The following PDGFRL variants were observed in gnomAD, a reference collection of about 807,000 sequenced individuals.
PDGFRL encodes platelet-derived growth factor receptor-like protein.
In PDGFRL, 46 loss-of-function variants were observed where a neutral mutation model predicts 37.2. The observed-to-expected ratio is 1.24, with a 90% CI of 0.98 to 1.58. The LOEUF is 1.58. Among genes scored for constraint, PDGFRL ranks in the 40% most tolerant of loss-of-function variants. The pLI is 0.00. For missense variants in PDGFRL, 692 were observed against 467.6 expected, an observed-to-expected ratio of 1.48 and a Z score of -4.43; for synonymous variants, 251 against 184.3, an observed-to-expected ratio of 1.36 and a Z score of -2.93.
intron 2 of PDGFRL, among the ~76,000 whole-genome samples, chr8:17,599,864 G>A (rs76550144): frequency 0.043 from 6,534 of 152,102 alleles, 231 homozygotes; most frequent in East Asian, 0.15. Context: ...CCCTCCTAAG[G>A]CCAAAGCACT....
At chr8:17,585,930 A>G (rs1053327377) in intron 1 of PDGFRL, among the ~76,000 whole-genome samples, 9 of 151,746 alleles carry the variant, frequency 5.9e-5, no homozygotes, top group Admixed American at 3.3e-4. Context: ...TATTTTGGAT[A>G]TAAGGGTTTT....
intron 1 of PDGFRL, among the ~76,000 whole-genome samples, chr8:17,583,522 T>A (rs2150808373): frequency 6.6e-6 from 1 of 152,310 alleles, no homozygotes; most frequent in East Asian, 1.9e-4. Flanking sequence ...TGGGAAAGGA[T>A]GCTTGTAATT....
intron 2 of PDGFRL, among the ~76,000 whole-genome samples, chr8:17,615,909 C>G (rs1353475588): frequency 6.6e-6 from 1 of 152,152 alleles, no homozygotes; most frequent in East Asian, 1.9e-4. Flanking sequence ...GACCCTATCT[C>G]TAAACGAATA....
At chr8:17,633,624 G>C (rs1563530061) in intron 4 of PDGFRL, among the ~76,000 whole-genome samples, 1 of 152,216 alleles carries the variant, frequency 6.6e-6, no homozygotes, top group Non-Finnish European at 1.5e-5. Flanking sequence ...TAGCACTCAT[G>C]CCCAAACATC....
chr8:17,576,611 G>A (rs888712781), upstream of PDGFRL: 2 of 490,442 alleles, frequency 4.1e-6, no homozygotes, highest in Admixed American at 6.4e-5. Flanking sequence ...ACCACCAGAG[G>A]CCCGGGTTGT....
At chr8:17,640,893 TG>T (rs1478559614) in intron 5 of PDGFRL, among the ~76,000 whole-genome samples, 1 of 149,540 alleles carries the variant, frequency 6.7e-6, no homozygotes, top group East Asian at 2.0e-4. Context: ...GACCATTAGT[TG>T]GGGGTGGGCT....
At chr8:17,595,138 G>C (rs1477200740) in intron 2 of PDGFRL, among the ~76,000 whole-genome samples, 1 of 152,092 alleles carries the variant, frequency 6.6e-6, no homozygotes, top group Non-Finnish European at 1.5e-5. Flanking sequence ...TCTGGATGGA[G>C]GGACAGCCCC....
chr8:17,601,437 A>G (rs114442438), intron 2 of PDGFRL, among the ~76,000 whole-genome samples: 34,080 of 151,174 alleles, frequency 0.23, 4,499 homozygotes, highest in African/African-American at 0.35. Context: ...CTGATTGTTA[A>G]CTTATACCCC....
Position 17,589,673 on chromosome 8 carries a change from G to C in PDGFRL, c.261G>C (p.Leu87=). Reference sequence around the variant, plus strand: ...AACCCGCCGCTACCCTGAGTCTGCTGGCGGGGCAAACTGTAGAGCTTCGAT... The same window carrying C: ...AACCCGCCGCTACCCTGAGTCTGCTCGCGGGGCAAACTGTAGAGCTTCGAT... ...FQKPAATLSL[L]AGQTVELRCK... is the part of the protein sequence containing the mutation. The change falls in exon 2 of 6, where the codon CTG becomes CTC. Residue 87 remains leucine, a synonymous_variant. Coordinates refer to ENST00000251630, the MANE Select transcript of PDGFRL (RefSeq NM_001372073.1). The C allele has an allele frequency of 6.2e-7, 1 of 1,613,544 alleles. No individual in the cohort carries two copies. The highest frequency in any genetic ancestry group is 8.5e-7 in the Non-Finnish European group (1 of 1,179,474).
chr8:17,635,449 A>T (rs934071435), intron 5 of PDGFRL, among the ~76,000 whole-genome samples: 1 of 152,206 alleles, frequency 6.6e-6, no homozygotes, highest in African/African-American at 2.4e-5. Flanking sequence ...GTTGCTGCAA[A>T]TGCCATTATT....
At chr8:17,577,085 A>AAAAAAAAAAAC (rs1279021178), upstream of PDGFRL, 3 of 857,168 alleles carry the variant, frequency 3.5e-6, no homozygotes, top group Non-Finnish European at 3.4e-6. Flanking sequence ...AGAGAACTAA[A>AAAAAAAAAAAC]AAAAAAAAAA....
At chr8:17,585,799 C>G (rs1176025130) in intron 1 of PDGFRL, among the ~76,000 whole-genome samples, 1 of 152,168 alleles carries the variant, frequency 6.6e-6, no homozygotes, top group Admixed American at 6.5e-5. Flanking sequence ...CAACACAGTT[C>G]TATTGAATTA....
At chr8:17,631,059 C>T (rs1563528797) in intron 4 of PDGFRL, among the ~76,000 whole-genome samples, 1 of 152,094 alleles carries the variant, frequency 6.6e-6, no homozygotes, top group African/African-American at 2.4e-5. Flanking sequence ...GTCCCCCACC[C>T]TGCCATCTTG....
chr8:17,609,177 G>C (rs912337730), intron 2 of PDGFRL, among the ~76,000 whole-genome samples: 3 of 152,108 alleles, frequency 2.0e-5, no homozygotes, highest in Non-Finnish European at 2.9e-5. Flanking sequence ...ACTCCAGCCT[G>C]GGTGACAGAG....
intron 2 of PDGFRL, among the ~76,000 whole-genome samples, chr8:17,591,401 G>C (rs1803936952): frequency 6.6e-6 from 1 of 152,170 alleles, no homozygotes; most frequent in Admixed American, 6.5e-5. Flanking sequence ...CATGGGCTCT[G>C]CGTCAGGGGG....
upstream of PDGFRL, chr8:17,576,569 G>T: frequency 5.0e-6 from 1 of 198,564 alleles, no homozygotes; most frequent in Non-Finnish European, 9.1e-6. Context: ...ACCCTAGCCC[G>T]TGCTTACCCT....
At chr8:17,577,480 C>G (rs1407132655) in intron 1 of PDGFRL, among the ~76,000 whole-genome samples, 173 bp downstream of exon 1, 4 of 152,036 alleles carry the variant, frequency 2.6e-5, no homozygotes. Context: ...GTCTCCTTTC[C>G]TCCCACTCTT....
At chr8:17,618,870 A>C (rs1404753065) in intron 2 of PDGFRL, among the ~76,000 whole-genome samples, 1 of 151,780 alleles carries the variant, frequency 6.6e-6, no homozygotes. Flanking sequence ...AGAACAAGGA[A>C]GTCAATTATG....
intron 2 of PDGFRL, among the ~76,000 whole-genome samples, chr8:17,593,891 AAAAAAAAAAG>A (rs1249856858): frequency 6.6e-6 from 1 of 151,418 alleles, no homozygotes; most frequent in African/African-American, 2.4e-5. Context: ...TCCATCTCAA[AAAAAAAAAAG>A]AAAAAAAAAG....
Sources: allele counts gnomAD v4.1 joint callset (sites outside exome capture counted in the v4.1 genomes callset), GRCh38; gene constraint gnomAD v4.1.1; transcripts MANE v1.5; gene names NCBI Gene and HGNC (gene_info 2026-07-23, HGNC 2026-07-21).